Variants in TLR1 observed in about 807,000 individuals in gnomAD.
TLR1 encodes the protein toll like receptor 1.
TLR1 carries 19 observed loss-of-function variants against 20.2 expected under a neutral mutation model. The ratio of observed to expected loss-of-function variants is 0.94; its 90% confidence interval spans 0.66 to 1.38. The LOEUF is 1.38. TLR1 is among the 40% of genes most tolerant of loss of function. The probability of loss-of-function intolerance (pLI) is 0.00; values close to 1 mark genes in which losing one functional copy is unlikely to be tolerated. For synonymous variants in TLR1, 320 were observed against 334.5 expected (o/e 0.96, Z 0.47); for missense variants, 921 against 910.0 (o/e 1.01, Z -0.16).
intron 2 of TLR1, among the ~76,000 whole-genome samples, chr4:38,802,791 G>A (rs749426869): frequency 1.3e-5 from 2 of 152,166 alleles, no homozygotes; most frequent in African/African-American, 4.8e-5. Context: ...GAGCGCAGGC[G>A]TATAACTCAC....
Position 38,797,916 on chromosome 4 carries a change from G to A in TLR1, c.916C>T (p.Gln306Ter). The A allele has an allele frequency of 1.2e-6, 2 of 1,614,090 alleles. No homozygotes were observed. The highest frequency in any genetic ancestry group is 1.3e-5 in the African/African-American group (1 of 75,038). ...AAACCGAACACATCGCTGACAACTT[G>A]GTGTATAGACAAGGCCTTCAAGGAA... ...GTSLKALSIH[Q>*]VVSDVFGFPQ... The change falls in exon 4 of 4, where the codon CAA becomes TAA. Residue 306 changes from glutamine to a stop codon, truncating the protein, a stop_gained. Transcript: ENST00000308979. LOFTEE classifies it low-confidence loss of function (END_TRUNC).
At chr4:38,804,050 A>G (rs1339246444) in intron 2 of TLR1, among the ~76,000 whole-genome samples, 6 of 152,238 alleles carry the variant, frequency 3.9e-5, no homozygotes, top group Non-Finnish European at 1.5e-5. Flanking sequence ...CCAAATAGCT[A>G]TTAACCAAAG....
rs190177710 is a variant in TLR1, at chr4:38,798,462, T to C, written c.370A>G (p.Asn124Asp). Residue 124 changes from asparagine to aspartate, a missense_variant, in exon 4 of 4, where the codon AAT becomes GAT. Coordinates refer to ENST00000308979, the MANE Select transcript of TLR1 (RefSeq NM_003263.4). The part of the protein sequence containing the change: ...VNLKHLDLSF[N>D]AFDALPICKE... Reference sequence around the variant, plus strand: ...CATATAGGCAGGGCATCAAATGCATTAAATGACAGGTCCAAGTGCTTGAGG... The same window carrying C: ...CATATAGGCAGGGCATCAAATGCATCAAATGACAGGTCCAAGTGCTTGAGG... 67 of 1,614,060 alleles carry C rather than the reference T, an allele frequency of 4.2e-5. No individual in the cohort carries two copies. The highest frequency in any genetic ancestry group is 1.7e-4 in the Admixed American group (10 of 60,004).
chr4:38,789,600 TTA>T (rs886322463), downstream of TLR1, among the ~76,000 whole-genome samples: 1 of 152,034 alleles, frequency 6.6e-6, no homozygotes, highest in Admixed American at 6.6e-5. Context: ...GTAGCTGAGA[TTA>T]CAGGCACGCA....
At chr4:38,792,131 T>C (rs930185399), downstream of TLR1, among the ~76,000 whole-genome samples, 2 of 152,222 alleles carry the variant, frequency 1.3e-5, no homozygotes, top group Non-Finnish European at 2.9e-5. Context: ...AATTCATCTA[T>C]GGACAGAGGA....
chr4:38,800,520 T>G (rs1726562745), intron 3 of TLR1: 1 of 152,190 alleles, frequency 6.6e-6, no homozygotes, highest in Non-Finnish European at 1.5e-5. Context: ...AAGACACCAT[T>G]TTGTGGTCAG....
chr4:38,797,792 A>G lies in TLR1; in HGVS notation c.1040T>C (p.Ile347Thr), dbSNP rs372400514. The G allele has an allele frequency of 1.2e-6, 2 of 1,614,190 alleles. No individual in the cohort carries two copies. The highest frequency in any genetic ancestry group is 1.7e-6 in the Non-Finnish European group (2 of 1,180,000). Reference protein sequence around the residue: ...RMVHMLCPSKISPFLHLDFSN... With the variant: ...RMVHMLCPSKTSPFLHLDFSN... Reference sequence around the variant, plus strand: ...AAAATCCAAATGCAGGAACGGGCTAATTTTGGATGGGCAAAGCATGTGGAC... The same window carrying G: ...AAAATCCAAATGCAGGAACGGGCTAGTTTTGGATGGGCAAAGCATGTGGAC... The change falls in exon 4 of 4, where the codon ATT (isoleucine) becomes ACT (threonine). Residue 347 changes from isoleucine to threonine, a missense_variant. Coordinates refer to ENST00000308979, the MANE Select transcript of TLR1 (RefSeq NM_003263.4).
At chr4:38,788,517 A>G (rs1725652731), downstream of TLR1, among the ~76,000 whole-genome samples, 1 of 152,186 alleles carries the variant, frequency 6.6e-6, no homozygotes, top group African/African-American at 2.4e-5. Flanking sequence ...GCCACATGCC[A>G]TTGTTGCTTG....
At chr4:38,792,533 A>C (rs1725773216), downstream of TLR1, among the ~76,000 whole-genome samples, 1 of 152,114 alleles carries the variant, frequency 6.6e-6, no homozygotes, top group African/African-American at 2.4e-5. Context: ...CTCCTGCCTC[A>C]GTCTCCTGAG....
rs761800724 is a variant in TLR1 at position 38,797,926 on chromosome 4, C to A, written c.906G>T (p.Leu302Phe). ...CATCGCTGACAACTTGGTGTATAGACAAGGCCTTCAAGGAAGTGCCAGAAT... is the reference window on the plus strand; with the variant it reads ...CATCGCTGACAACTTGGTGTATAGAAAAGGCCTTCAAGGAAGTGCCAGAAT... ...FDYSGTSLKALSIHQVVSDVF... is the reference protein window; with the variant it reads ...FDYSGTSLKAFSIHQVVSDVF... The change falls in exon 4 of 4, where the codon TTG (leucine) becomes TTT (phenylalanine). Residue 302 changes from leucine to phenylalanine, a missense_variant. Leu to Phe is a conservative substitution (Grantham distance 22, BLOSUM62 0). Coordinates refer to ENST00000308979, the MANE Select transcript of TLR1 (RefSeq NM_003263.4). 6.2e-7 allele frequency: 1 copy of A among 1,614,170 alleles called. No individual in the cohort carries two copies. Among genetic ancestry groups the A allele is most frequent in the Non-Finnish European group, 8.5e-7 (1 of 1,180,012 alleles).
downstream of TLR1, among the ~76,000 whole-genome samples, chr4:38,788,282 G>A (rs543012222): frequency 2.0e-3 from 309 of 152,032 alleles, 1 homozygote; most frequent in Middle Eastern, 0.031. Context: ...AAGGAAGGGA[G>A]AAAATAAAAT....
At position 38,796,465 on chromosome 4, in the gene TLR1, T is replaced by G; in HGVS notation, c.*6A>C. ...CAGGAGGAATATTTTTCACTTGATG[T>G]GTAATCTATTTCTTTGCTTGCTCTG... On this transcript the variant is annotated 3_prime_UTR_variant, in exon 4 of 4. Coordinates refer to ENST00000308979, the MANE Select transcript of TLR1 (RefSeq NM_003263.4). The G allele has an allele frequency of 6.2e-7, 1 of 1,601,814 alleles. No individual in the cohort carries two copies.
At chr4:38,801,828 A>T (rs5743588) in intron 2 of TLR1, among the ~76,000 whole-genome samples, 1 of 152,208 alleles carries the variant, frequency 6.6e-6, no homozygotes, top group African/African-American at 2.4e-5. Context: ...TTAGGCAGAC[A>T]TGAGCAGGAC....
downstream of TLR1, among the ~76,000 whole-genome samples, chr4:38,792,875 ATC>A (rs527440169): frequency 6.8e-6 from 1 of 147,972 alleles, no homozygotes; most frequent in African/African-American, 2.5e-5. Context: ...ATATATATAT[ATC>A]TCCAAATTAC....
chr4:38,795,543 G>A (rs1425516601), downstream of TLR1, among the ~76,000 whole-genome samples: 1 of 152,216 alleles, frequency 6.6e-6, no homozygotes, highest in Non-Finnish European at 1.5e-5. Flanking sequence ...GTGCATGTTA[G>A]TTCATACAAC....
At chr4:38,794,527 G>T (rs1391674176), downstream of TLR1, 1 of 151,810 alleles carries the variant, frequency 6.6e-6, no homozygotes. Context: ...ATAGGCCTGG[G>T]TATACCTGCC....
Position 38,798,910 on chromosome 4 carries a change from A to G in TLR1, c.-67-12T>C. On this transcript the variant is annotated splice_polypyrimidine_tract_variant and intron_variant, in intron 3 of 3. Transcript: ENST00000308979. ...TACAGATACAGATTCTAGAAAAAAAATAATGAAATGATGAAATACATTACA... is the reference window on the plus strand; with the variant it reads ...TACAGATACAGATTCTAGAAAAAAAGTAATGAAATGATGAAATACATTACA... 1.7e-6 allele frequency: 2 copies of G among 1,153,926 alleles called. No homozygotes were observed. The highest frequency in any genetic ancestry group is 2.4e-6 in the Non-Finnish European group (2 of 825,884). The allele number at this position is 1,153,926 out of a possible 1,614,324, so 71.5% of individuals were successfully genotyped here. A position where few individuals can be genotyped will look rare whatever the true frequency, so the allele number is the denominator to read the frequency against.
At chr4:38,792,674 G>A (rs1725781181), downstream of TLR1, among the ~76,000 whole-genome samples, 1 of 151,864 alleles carries the variant, frequency 6.6e-6, no homozygotes, top group African/African-American at 2.4e-5. Flanking sequence ...TGTACAATAT[G>A]TCATTAAACA....
Position 38,797,782 on chromosome 4 carries a change from G to A in TLR1, c.1050C>T (p.Phe350=), listed in dbSNP as rs774275169. 61 of 1,614,120 alleles carry A rather than the reference G, an allele frequency of 3.8e-5. 1 individual carries two copies. In the South Asian group the frequency reaches 6.1e-4, roughly 16 times the overall value. ...HMLCPSKISP[F]LHLDFSNNLL... is the part of the protein sequence containing the mutation. ...GATTATTGGAAAAATCCAAATGCAGGAACGGGCTAATTTTGGATGGGCAAA... is the reference window on the plus strand; with the variant it reads ...GATTATTGGAAAAATCCAAATGCAGAAACGGGCTAATTTTGGATGGGCAAA... The change falls in exon 4 of 4, where the codon TTC becomes TTT. Residue 350 remains phenylalanine, a synonymous_variant. Transcript: ENST00000308979.
Sources: gnomAD v4.1 joint callset for allele counts (sites outside exome capture counted in the v4.1 genomes callset) on GRCh38, gnomAD v4.1.1 for gene constraint, MANE v1.5 for transcripts, NCBI Gene and HGNC (gene_info 2026-07-23, HGNC 2026-07-21) for gene names.